Variants in M6PR observed in about 807,000 individuals in gnomAD.
M6PR encodes the protein mannose-6-phosphate receptor, cation dependent.
A neutral mutation model predicts 33.1 loss-of-function variants in M6PR; 19 were observed. The ratio of observed to expected loss-of-function variants is 0.57; its 90% CI spans 0.40 to 0.84. M6PR has a LOEUF of 0.84. Ranked by LOEUF, M6PR falls within the 40% of genes least tolerant of loss-of-function variation. The pLI is 0.00. For missense variants in M6PR, 295 were observed against 336.0 expected (o/e 0.88, Z 0.95); for synonymous variants, 111 against 123.4 (o/e 0.90, Z 0.67).
chr12:8,943,841 C>G lies in M6PR; in HGVS notation c.413G>C (p.Arg138Pro). ...YDNHCGKEQR[R>P]AVVMISCNRH... ...ATTGCAGGAGATCATCACCACTGCA[C>G]GACGCTGCTCCTTGCCACAGTGGTT... Residue 138 changes from arginine (R) to proline (P), a missense_variant, in exon 4 of 7, where the codon CGT becomes CCT. Arg to Pro is a moderately radical substitution (Grantham distance 103). Transcript: ENST00000000412. 1 of 1,613,440 alleles carries G rather than the reference C, an allele frequency of 6.2e-7. No homozygotes were observed. Among genetic ancestry groups the G allele is most frequent in the South Asian group, 1.1e-5 (1 of 91,026 alleles).
At chr12:8,943,613 AC>A (rs2137164808) in intron 4 of M6PR, 78 bp from the exon 5 acceptor site, 9 of 1,562,568 alleles carry the variant, frequency 5.8e-6, no homozygotes, top group South Asian at 1.1e-5. Context: ...AACCCAAAAA[AC>A]ATCTGCTCCT....
intron 3 of M6PR, among the ~76,000 whole-genome samples, chr12:8,944,802 G>T (rs1805727): frequency 0.82 from 124,924 of 152,072 alleles, 51,701 homozygotes; most frequent in Admixed American, 0.85. Context: ...GTTGGTATTT[G>T]TAAGTCTAGT....
rs1172366973 is a variant in M6PR at position 8,946,411 on chromosome 12, GGA to G, written c.-1-8_-1-7del. 1.9e-6 allele frequency: 3 copies of G among 1,613,268 alleles called. No homozygotes were observed. The highest frequency in any genetic ancestry group is 1.1e-5 in the South Asian group (1 of 91,044). On this transcript the variant is annotated splice_region_variant and splice_polypyrimidine_tract_variant and intron_variant, in intron 1 of 6. Transcript: ENST00000000412. ...AGCTGTAGAAAGGGAACATCCTTTG[GGA>G]GAGAGTGTGTGTTGGGGAGGGCAGG...
At chr12:8,946,188 A>G in intron 2 of M6PR, 41 bp downstream of exon 2, 2 of 1,567,804 alleles carry the variant, frequency 1.3e-6, no homozygotes, top group Non-Finnish European at 1.7e-6. Flanking sequence ...AGACTTTAAC[A>G]TAAATATTTT....
chr12:8,945,102 G>A (rs1946075488), intron 3 of M6PR: 1 of 221,588 alleles, frequency 4.5e-6, no homozygotes, highest in Non-Finnish European at 9.0e-6. Context: ...AGGTTGCAGT[G>A]AGCCGAGATT....
chr12:8,946,574 C>T, intron 1 of M6PR, 169 bp from the exon 2 acceptor site: 1 of 523,682 alleles, frequency 1.9e-6, no homozygotes, highest in Non-Finnish European at 3.3e-6. Context: ...GTAACAAGAG[C>T]ATCTGCAGCA....
Position 8,942,641 on chromosome 12 carries a change from C to T in M6PR, c.585-99G>A. 6 of 1,307,498 alleles carry T rather than the reference C, an allele frequency of 4.6e-6. No individual in the cohort carries two copies. The Admixed American group carries it at 8.9e-5, about 19-fold the overall frequency. The allele number at this position is 1,307,498 out of a possible 1,614,324, so 81.0% of individuals were successfully genotyped here. A position where few individuals can be genotyped will look rare whatever the true frequency, so the allele number is the denominator to read the frequency against. On this transcript the variant is annotated intron_variant, in intron 5 of 6. Coordinates refer to ENST00000000412, the MANE Select transcript of M6PR (RefSeq NM_002355.4). ...TTATTGTCAGCTGTTTCCTAAGATA[C>T]ATTCCCTGAAAAGGAAAAATGAGTA...
At position 8,941,796 on chromosome 12, in the gene M6PR, G is replaced by A; in HGVS notation, c.*22C>T. 1.9e-6 allele frequency: 3 copies of A among 1,613,974 alleles called. No individual in the cohort carries two copies. Among genetic ancestry groups the A allele is most frequent in the South Asian group, 1.1e-5 (1 of 91,078 alleles). On this transcript the variant is annotated 3_prime_UTR_variant, in exon 7 of 7. Transcript: ENST00000000412. ...CTTTGGTTTGGGGGACTGAGGAAGA[G>A]GCTGGACATATAAAGTGCAATCTAC...
rs767607953 is a variant in M6PR at position 8,946,398 on chromosome 12, G to GCAA, written c.6_7insTTG (p.Phe2_Pro3insLeu). ...CCAGTCCTCCAGCAGCTGTAGAAAG[G>GCAA]GAACATCCTTTGGGAGAGAGTGTGT... On this transcript the variant is annotated inframe_insertion, in exon 2 of 7. Coordinates refer to ENST00000000412, the MANE Select transcript of M6PR (RefSeq NM_002355.4). 1.2e-6 allele frequency: 2 copies of GCAA among 1,605,164 alleles called. No individual in the cohort carries two copies. The highest frequency in any genetic ancestry group is 1.7e-6 in the Non-Finnish European group (2 of 1,175,174).
In M6PR at chr12:8,942,427, T is replaced by C; in HGVS notation, c.700A>G (p.Asn234Asp). Residue 234 changes from asparagine to aspartate, a missense_variant, in exon 6 of 7, where the codon AAC becomes GAC. Transcript: ENST00000000412. Reference sequence around the variant, plus strand: ...GCCCTGTTACTTACTGCTACCAGGTTGCCAAGATCCTGCCAGAAGGCTAAG... The same window carrying C: ...GCCCTGTTACTTACTGCTACCAGGTCGCCAAGATCCTGCCAGAAGGCTAAG... ...PHLAFWQDLGNLVADGCDFVC... is the reference protein window; with the variant it reads ...PHLAFWQDLGDLVADGCDFVC... 1 of 1,614,196 alleles carries C rather than the reference T, an allele frequency of 6.2e-7. No homozygotes were observed. The highest frequency in any genetic ancestry group is 8.5e-7 in the Non-Finnish European group (1 of 1,180,030).
intron 1 of M6PR, among the ~76,000 whole-genome samples, chr12:8,948,235 A>C (rs1946129808): frequency 6.6e-6 from 1 of 152,240 alleles, no homozygotes; most frequent in Non-Finnish European, 1.5e-5. Context: ...TTCCTGCTTA[A>C]GGCTTGTCTT....
chr12:8,943,710 A>G, intron 4 of M6PR, 91 bp downstream of exon 4: 1 of 1,342,266 alleles, frequency 7.5e-7, no homozygotes, highest in Non-Finnish European at 1.1e-6. Flanking sequence ...TGTCCATCCC[A>G]ACGTATCGTG....
At chr12:8,943,144 G>T (rs1946047514) in intron 5 of M6PR, among the ~76,000 whole-genome samples, 2 of 152,098 alleles carry the variant, frequency 1.3e-5, no homozygotes, top group African/African-American at 4.8e-5. Context: ...TAGAGACGGA[G>T]TTTCATCATG....
chr12:8,947,182 G>C (rs1474009708), intron 1 of M6PR, among the ~76,000 whole-genome samples: 24 of 152,068 alleles, frequency 1.6e-4, no homozygotes. Flanking sequence ...TACAAAAAAC[G>C]CTGCAAGTCT....
intron 3 of M6PR, among the ~76,000 whole-genome samples, chr12:8,944,513 A>G (rs889473963): frequency 2.6e-5 from 4 of 152,244 alleles, no homozygotes; most frequent in Admixed American, 6.5e-5. Context: ...ACCTGGTCAC[A>G]TGATCCCCAG....
chr12:8,942,364 C>T (rs1480757218), intron 6 of M6PR, 52 bp downstream of exon 6: 12 of 1,613,132 alleles, frequency 7.4e-6, no homozygotes, highest in African/African-American at 1.3e-5. Context: ...GATGGTTGGT[C>T]ACCCAACCTT....
In M6PR at chr12:8,941,812, T is replaced by G. The variant is rs754259156; in HGVS notation, c.*6A>C. ...TGAGGAAGAGGCTGGACATATAAAG[T>G]GCAATCTACATTGGTAATAAATGGT... is the stretch of plus-strand genomic sequence containing the variant. On this transcript the variant is annotated 3_prime_UTR_variant, in exon 7 of 7. Coordinates refer to ENST00000000412, the MANE Select transcript of M6PR (RefSeq NM_002355.4). The G allele has an allele frequency of 6.2e-7, 1 of 1,614,096 alleles. No individual in the cohort carries two copies. The highest frequency in any genetic ancestry group is 2.2e-5 in the East Asian group (1 of 44,870).
chr12:8,943,273 A>C, intron 5 of M6PR, 132 bp downstream of exon 5: 1 of 1,093,516 alleles, frequency 9.1e-7, no homozygotes, highest in Non-Finnish European at 1.3e-6. Flanking sequence ...TAGCCAGAGG[A>C]TTTAAAAAGT....
At chr12:8,942,040 C>T (rs1946019358) in intron 6 of M6PR, 100 bp from the exon 7 acceptor site, 2 of 1,338,384 alleles carry the variant, frequency 1.5e-6, no homozygotes, top group Non-Finnish European at 2.1e-6. Context: ...AATTGGTTTT[C>T]TATAGGGATA....
Sources: gnomAD v4.1 joint callset for allele counts (sites outside exome capture counted in the v4.1 genomes callset) on GRCh38, gnomAD v4.1.1 for gene constraint, MANE v1.5 for transcripts, NCBI Gene and HGNC (gene_info 2026-07-23, HGNC 2026-07-21) for gene names.